The following MYRIP variants were observed in gnomAD, a reference collection of about 807,000 sequenced individuals.
MYRIP encodes the protein myosin VIIA and Rab interacting protein.
MYRIP carries 49 observed loss-of-function variants against 98.0 expected under a neutral mutation model. The ratio of observed to expected loss-of-function variants is 0.50; its 90% confidence interval spans 0.40 to 0.63. The LOEUF (loss-of-function observed/expected upper bound fraction) is 0.63, where lower values mean the gene tolerates loss of function less well. Ranked by LOEUF, MYRIP falls within the 30% of genes least tolerant of loss-of-function variation. The probability of loss-of-function intolerance (pLI) is 0.00; values close to 1 mark genes in which losing one functional copy is unlikely to be tolerated. For synonymous variants in MYRIP, 404 were observed against 409.5 expected (o/e 0.99, Z 0.16); for missense variants, 1,004 against 1,058.2 (o/e 0.95, Z 0.71).
intron 1 of MYRIP, among the ~76,000 whole-genome samples, chr3:39,856,351 A>G (rs1017957584): frequency 6.6e-6 from 1 of 151,740 alleles, no homozygotes; most frequent in African/African-American, 2.4e-5. Flanking sequence ...CCTTCTATCC[A>G]CCTTCTTCCC....
intron 2 of MYRIP, among the ~76,000 whole-genome samples, chr3:39,919,727 TGAGA>T (rs71091779): frequency 5.6e-4 from 69 of 123,488 alleles, no homozygotes; most frequent in Admixed American, 1.5e-3. Flanking sequence ...TGTGTGTGTG[TGAGA>T]GAGAGAGAGA....
intron 3 of MYRIP, among the ~76,000 whole-genome samples, chr3:40,053,538 C>T (rs999477426): frequency 6.6e-6 from 1 of 152,144 alleles, no homozygotes; most frequent in Non-Finnish European, 1.5e-5. Flanking sequence ...TTTGTCTTTT[C>T]AGATGAGTTG....
At chr3:40,158,652 A>G (rs541444925) in intron 4 of MYRIP, among the ~76,000 whole-genome samples, 40 of 152,262 alleles carry the variant, frequency 2.6e-4, no homozygotes, top group African/African-American at 8.4e-4. Context: ...TAGGTCACTC[A>G]GGACTTGCTT....
chr3:39,930,827 T>A (rs1410898426), intron 2 of MYRIP, among the ~76,000 whole-genome samples: 1 of 152,126 alleles, frequency 6.6e-6, no homozygotes, highest in Non-Finnish European at 1.5e-5. Context: ...TATAACCAAT[T>A]CACTATAAAT....
At chr3:40,052,282 T>G (rs910471195) in intron 3 of MYRIP, among the ~76,000 whole-genome samples, 8 of 152,082 alleles carry the variant, frequency 5.3e-5, no homozygotes, top group African/African-American at 1.9e-4. Context: ...AATGAGAACA[T>G]GTAATATTTG....
chr3:39,826,015 A>T (rs1941250901), intron 1 of MYRIP, among the ~76,000 whole-genome samples: 2 of 152,008 alleles, frequency 1.3e-5, no homozygotes, highest in East Asian at 1.9e-4. Context: ...TTTTGGTGAT[A>T]TCCATTGTGA....
chr3:40,214,489 T>C (rs1397439245), intron 11 of MYRIP, among the ~76,000 whole-genome samples: 2 of 152,242 alleles, frequency 1.3e-5, no homozygotes, highest in African/African-American at 4.8e-5. Context: ...CTTTGCTGTA[T>C]GCAAACATAT....
Position 40,241,476 on chromosome 3 carries a change from T to C in MYRIP, c.2101-2970T>C, listed in dbSNP as rs544970973. On this transcript the variant is annotated intron_variant, in intron 12 of 16. Coordinates refer to ENST00000302541, the MANE Select transcript of MYRIP (RefSeq NM_015460.4). ...CATTAGTCCCCTAAAGTATAATTCA[T>C]GGAAGCCACATCCAACAAGATGCTC... is the stretch of plus-strand genomic sequence containing the variant. Among the ~76,000 whole-genome samples the C allele has an allele frequency of 9.1e-4, 138 of 152,338 alleles. 1 individual carries two copies. Among genetic ancestry groups the C allele is most frequent in the Non-Finnish European group, 1.7e-3 (116 of 68,028 alleles).
chr3:39,842,060 C>T (rs1016139551), intron 1 of MYRIP, among the ~76,000 whole-genome samples: 21 of 152,282 alleles, frequency 1.4e-4, no homozygotes, highest in African/African-American at 2.2e-4. Context: ...TGCCCACAGC[C>T]GCCCCTCCCC....
intron 12 of MYRIP, among the ~76,000 whole-genome samples, chr3:40,234,928 G>C (rs1401239302): frequency 6.6e-6 from 1 of 151,534 alleles, no homozygotes; most frequent in Non-Finnish European, 1.5e-5. Context: ...AGGAGGCGAA[G>C]GCTGTAGTGA....
intron 16 of MYRIP, among the ~76,000 whole-genome samples, chr3:40,256,226 T>C (rs9849674): frequency 0.14 from 20,628 of 152,168 alleles, 2,554 homozygotes; most frequent in African/African-American, 0.33. Flanking sequence ...AAACCCTACT[T>C]AGAAGTTAAA....
chr3:40,027,911 A>G (rs557217467), intron 2 of MYRIP, among the ~76,000 whole-genome samples: 16 of 152,208 alleles, frequency 1.1e-4, no homozygotes, highest in African/African-American at 3.6e-4. Context: ...TTTGGAAGTC[A>G]ATTTCACAAA....
chr3:40,090,085 C>T (rs1313829232), intron 3 of MYRIP, among the ~76,000 whole-genome samples: 2 of 151,812 alleles, frequency 1.3e-5, no homozygotes. Flanking sequence ...ATACTTCTTG[C>T]ATTCAAAATT....
chr3:39,875,499 C>T (rs1488542139), intron 1 of MYRIP, among the ~76,000 whole-genome samples: 2 of 151,952 alleles, frequency 1.3e-5, no homozygotes. Flanking sequence ...TTTCCCTCTA[C>T]ATCCTGCTTT....
chr3:40,046,760 C>A (rs893951163), intron 3 of MYRIP, among the ~76,000 whole-genome samples: 3 of 151,950 alleles, frequency 2.0e-5, no homozygotes, highest in Non-Finnish European at 4.4e-5. Flanking sequence ...GGCGAAATCA[C>A]TGGAATGTCA....
At chr3:40,023,983 C>T (rs1372550220) in intron 2 of MYRIP, among the ~76,000 whole-genome samples, 16 of 152,134 alleles carry the variant, frequency 1.1e-4, no homozygotes, top group Non-Finnish European at 4.4e-5. Context: ...ACAGTTTTCT[C>T]TAAGATTAAT....
chr3:39,817,525 A>C (rs1940959935), intron 1 of MYRIP, among the ~76,000 whole-genome samples: 1 of 152,230 alleles, frequency 6.6e-6, no homozygotes, highest in Admixed American at 6.5e-5. Flanking sequence ...GGCACATTAA[A>C]AACATTTTTT....
At chr3:40,008,351 T>G (rs1946680677) in intron 2 of MYRIP, among the ~76,000 whole-genome samples, 2 of 152,262 alleles carry the variant, frequency 1.3e-5, no homozygotes, top group Non-Finnish European at 2.9e-5. Context: ...TGGATAAATT[T>G]AGATATAAGC....
intron 3 of MYRIP, among the ~76,000 whole-genome samples, chr3:40,150,657 C>T (rs759548693): frequency 2.0e-5 from 3 of 152,170 alleles, no homozygotes; most frequent in African/African-American, 4.8e-5. Flanking sequence ...GATGGTTCTC[C>T]TGGTCGCATC....
Sources: gnomAD v4.1 joint callset for allele counts (sites outside exome capture counted in the v4.1 genomes callset) on GRCh38, gnomAD v4.1.1 for gene constraint, MANE v1.5 for transcripts, NCBI Gene and HGNC (gene_info 2026-07-23, HGNC 2026-07-21) for gene names.